Variants in COG5 observed in about 807,000 individuals in gnomAD.
The protein encoded by COG5 is conserved oligomeric Golgi complex subunit 5.
Under a neutral mutation model 110.4 loss-of-function variants are expected in COG5, and 86 were observed. The observed-to-expected ratio is 0.78, with a 90% CI of 0.65 to 0.93. The LOEUF (loss-of-function observed/expected upper bound fraction) is 0.93. Ranked by LOEUF, COG5 falls within the 40% of genes least tolerant of loss-of-function variation. The pLI is 0.00. For missense variants in COG5, 1,077 were observed against 987.0 expected (o/e 1.09, Z -1.22); for synonymous variants, 360 against 334.6 (o/e 1.08, Z -0.83).
intron 11 of COG5, among the ~76,000 whole-genome samples, chr7:107,322,980 G>T (rs1809436297): frequency 6.6e-6 from 1 of 152,132 alleles, no homozygotes; most frequent in South Asian, 2.1e-4. Context: ...TTGTTGCCAG[G>T]ACCCAGGGAG....
intron 17 of COG5, among the ~76,000 whole-genome samples, chr7:107,243,511 C>CAAAAA (rs759045963): frequency 1.0e-4 from 8 of 78,546 alleles, no homozygotes; most frequent in African/African-American, 1.5e-4. Context: ...GACTCCATCT[C>CAAAAA]AAAAAAAAAA....
intron 11 of COG5, among the ~76,000 whole-genome samples, chr7:107,317,606 A>G (rs1808872888): frequency 6.6e-6 from 1 of 152,210 alleles, no homozygotes; most frequent in South Asian, 2.1e-4. Context: ...TACTGCTTTG[A>G]ATTTGCTAAT....
intron 19 of COG5, among the ~76,000 whole-genome samples, chr7:107,215,614 A>AGAT (rs1010440499): frequency 6.6e-6 from 1 of 152,092 alleles, no homozygotes; most frequent in African/African-American, 2.4e-5. Context: ...CAGTGAGCCA[A>AGAT]GATTGTACCA....
chr7:107,462,324 C>T (rs1796041396), intron 6 of COG5, among the ~76,000 whole-genome samples: 1 of 152,110 alleles, frequency 6.6e-6, no homozygotes, highest in Non-Finnish European at 1.5e-5. Flanking sequence ...GGAATTCATA[C>T]CCATTCATGG....
intron 6 of COG5, among the ~76,000 whole-genome samples, chr7:107,504,153 T>C (rs1029406852): frequency 7.2e-5 from 11 of 152,178 alleles, no homozygotes; most frequent in Admixed American, 2.6e-4. Flanking sequence ...TGGCTTTTAT[T>C]AATTTGAAGG....
At chr7:107,518,560 A>C (rs1465514765) in intron 6 of COG5, among the ~76,000 whole-genome samples, 1 of 148,630 alleles carries the variant, frequency 6.7e-6, no homozygotes, top group Non-Finnish European at 1.5e-5. Context: ...AAAAAGACAA[A>C]GAAGGTCATT....
intron 10 of COG5, among the ~76,000 whole-genome samples, chr7:107,361,278 TG>T: frequency 6.6e-6 from 1 of 152,182 alleles, no homozygotes; most frequent in African/African-American, 2.4e-5. Context: ...GCTAGTAGAT[TG>T]GTGGAAGACA....
intron 1 of COG5, among the ~76,000 whole-genome samples, chr7:107,561,345 C>T (rs1432675132): frequency 6.6e-6 from 1 of 152,100 alleles, no homozygotes; most frequent in South Asian, 2.1e-4. Flanking sequence ...ATGCTTAATT[C>T]CTCAGGAATG....
At chr7:107,359,767 G>A (rs1812936256) in intron 10 of COG5, among the ~76,000 whole-genome samples, 1 of 152,054 alleles carries the variant, frequency 6.6e-6, no homozygotes, top group Non-Finnish European at 1.5e-5. Context: ...CAAACAACGG[G>A]ATGACCTGCC....
chr7:107,449,413 C>A (rs1795201067), intron 6 of COG5, among the ~76,000 whole-genome samples: 1 of 152,194 alleles, frequency 6.6e-6, no homozygotes, highest in South Asian at 2.1e-4. Context: ...TTGGTAGCCA[C>A]ATCCTTTTGC....
At chr7:107,364,824 T>C (rs1022318660) in intron 8 of COG5, among the ~76,000 whole-genome samples, 3 of 152,192 alleles carry the variant, frequency 2.0e-5, no homozygotes, top group Non-Finnish European at 4.4e-5. Context: ...TAAAATAATC[T>C]ATGAGAAAGA....
chr7:107,377,961 T>A (rs536536801), intron 7 of COG5, among the ~76,000 whole-genome samples: 2 of 152,324 alleles, frequency 1.3e-5, no homozygotes, highest in South Asian at 4.1e-4. Context: ...CTGACCACAG[T>A]GCCTCCTGCC....
chr7:107,499,307 C>G (rs1047966140), intron 6 of COG5, among the ~76,000 whole-genome samples: 1 of 148,250 alleles, frequency 6.7e-6, no homozygotes, highest in Non-Finnish European at 1.5e-5. Flanking sequence ...ATTAAGCGTA[C>G]TTACCATTCT....
At chr7:107,447,565 A>ATT (rs1198690900) in intron 6 of COG5, among the ~76,000 whole-genome samples, 4 of 152,318 alleles carry the variant, frequency 2.6e-5, no homozygotes, top group South Asian at 4.2e-4. Context: ...TATATCACAT[A>ATT]TTTACATACA....
intron 6 of COG5, among the ~76,000 whole-genome samples, chr7:107,508,149 A>C (rs544844305): frequency 1.3e-5 from 2 of 152,332 alleles, no homozygotes; most frequent in Non-Finnish European, 2.9e-5. Context: ...GGGTGACAGA[A>C]GGCACCTGGA....
intron 14 of COG5, 48 bp from the exon 15 acceptor site, chr7:107,258,431 C>T: frequency 1.1e-6 from 1 of 874,806 alleles, no homozygotes; most frequent in Non-Finnish European, 1.9e-6. Context: ...ATAATTCTCT[C>T]TCTCTCTCTC....
At chr7:107,441,049 C>T (rs966232760) in intron 6 of COG5, among the ~76,000 whole-genome samples, 5 of 151,040 alleles carry the variant, frequency 3.3e-5, no homozygotes, top group South Asian at 4.2e-4. Flanking sequence ...GTCAGGAGAT[C>T]GAGACCATCC....
At chr7:107,288,941 TATATATATATATATATATATA>T (rs1805913619) in intron 12 of COG5, among the ~76,000 whole-genome samples, 2 of 115,220 alleles carry the variant, frequency 1.7e-5, no homozygotes, top group Non-Finnish European at 3.3e-5. Context: ...TATATATATA[TATATATATATATATATATATA>T]TTTAAAAATT....
chr7:107,340,331 C>T (rs1811069295), intron 10 of COG5, among the ~76,000 whole-genome samples: 1 of 152,008 alleles, frequency 6.6e-6, no homozygotes, highest in South Asian at 2.1e-4. Context: ...CAGGAAGAAA[C>T]TGGAACCCTG....
Sources: allele counts gnomAD v4.1 joint callset (sites outside exome capture counted in the v4.1 genomes callset), GRCh38; gene constraint gnomAD v4.1.1; transcripts MANE v1.5; gene names NCBI Gene and HGNC (gene_info 2026-07-23, HGNC 2026-07-21).